The following SUGCT variants were observed in gnomAD, a reference collection of about 807,000 sequenced individuals.
SUGCT encodes the protein succinyl-CoA:glutarate CoA-transferase.
Under a neutral mutation model 55.0 loss-of-function variants are expected in SUGCT, and 41 were observed. That is an observed-to-expected ratio of 0.74 (90% CI 0.58 to 0.97). The LOEUF is 0.97. SUGCT is among the 50% of genes least tolerant of loss of function. The pLI is 0.00. For missense variants in SUGCT, 568 were observed against 547.8 expected (o/e 1.04, Z -0.37); for synonymous variants, 187 against 200.4 (o/e 0.93, Z 0.56).
intron 1 of SUGCT, among the ~76,000 whole-genome samples, chr7:40,163,789 T>G (rs1324022468): frequency 6.6e-5 from 10 of 152,080 alleles, no homozygotes; most frequent in Non-Finnish European, 1.2e-4. Flanking sequence ...TTTGTCAATT[T>G]TCTTTAGCTC....
chr7:40,565,383 A>G (rs1796069506), intron 12 of SUGCT, among the ~76,000 whole-genome samples: 1 of 152,266 alleles, frequency 6.6e-6, no homozygotes, highest in South Asian at 2.1e-4. Context: ...AGTAAAGGGA[A>G]TATGGCTTTG....
chr7:40,906,522 G>A, the SUGCT span, among the ~76,000 whole-genome samples: 10 of 152,078 alleles, frequency 6.6e-5, no homozygotes, highest in Admixed American at 6.5e-4. Flanking sequence ...AACAACTACA[G>A]ATAGAAAATA....
chr7:40,312,988 G>C (rs1442256411), intron 8 of SUGCT, among the ~76,000 whole-genome samples: 2 of 152,156 alleles, frequency 1.3e-5, no homozygotes, highest in African/African-American at 4.8e-5. Flanking sequence ...GGAGCATGTG[G>C]TGACAGACAC....
intron 9 of SUGCT, among the ~76,000 whole-genome samples, chr7:40,321,892 T>C (rs1488544430): frequency 6.6e-6 from 1 of 152,210 alleles, no homozygotes; most frequent in Non-Finnish European, 1.5e-5. Flanking sequence ...GCGATAAACA[T>C]GTGAATGCAA....
chr7:40,442,294 A>C (rs1401339015), intron 9 of SUGCT, among the ~76,000 whole-genome samples: 1 of 152,174 alleles, frequency 6.6e-6, no homozygotes, highest in African/African-American at 2.4e-5. Flanking sequence ...AAAGTTAAAG[A>C]AGTCAGTTAG....
chr7:40,325,969 G>A (rs1055481682), intron 9 of SUGCT, among the ~76,000 whole-genome samples: 4 of 123,394 alleles, frequency 3.2e-5, no homozygotes, highest in Non-Finnish European at 4.8e-5. Flanking sequence ...TTTAACAAAT[G>A]TCAAGTTTAT....
chr7:40,489,216 G>A (rs1463750123), intron 11 of SUGCT, among the ~76,000 whole-genome samples: 3 of 144,052 alleles, frequency 2.1e-5, no homozygotes, highest in Non-Finnish European at 4.6e-5. Flanking sequence ...CTTCTACTTG[G>A]TTAATTCTTT....
At chr7:40,890,290 T>TATATAATATAAATTAA in the SUGCT span, among the ~76,000 whole-genome samples, 1 of 140,904 alleles carries the variant, frequency 7.1e-6, no homozygotes, top group African/African-American at 2.7e-5. Flanking sequence ...ATATTTATAT[T>TATATAATATAAATTAA]ATATAATATA....
chr7:40,375,552 A>G (rs955385772), intron 9 of SUGCT, among the ~76,000 whole-genome samples: 21 of 152,168 alleles, frequency 1.4e-4, no homozygotes, highest in African/African-American at 5.1e-4. Context: ...CCCAACTGTC[A>G]GTGGAACTGA....
At chr7:40,269,569 G>A (rs991409995) in intron 7 of SUGCT, among the ~76,000 whole-genome samples, 2 of 151,810 alleles carry the variant, frequency 1.3e-5, no homozygotes, top group African/African-American at 2.4e-5. Flanking sequence ...GGAGTCCTCC[G>A]GCTTCAGCCT....
chr7:40,944,108 T>C, the SUGCT span, among the ~76,000 whole-genome samples: 1 of 152,168 alleles, frequency 6.6e-6, no homozygotes, highest in Non-Finnish European at 1.5e-5. Flanking sequence ...ATATCCTTTG[T>C]GCACTTTTTG....
Position 40,356,812 on chromosome 7 carries a change from T to A in SUGCT, c.816+39957T>A, listed in dbSNP as rs1797905759. Among the ~76,000 whole-genome samples the A allele has an allele frequency of 2.0e-5, 3 of 152,228 alleles. No individual in the cohort carries two copies. In the South Asian group the frequency reaches 6.2e-4, roughly 31 times the overall value. On this transcript the variant is annotated intron_variant, in intron 9 of 13. Coordinates refer to ENST00000335693, the MANE Select transcript of SUGCT (RefSeq NM_001193313.2). ...AACTAATTCTTCAGCCTCTTCAAAA[T>A]CAGTACTGACTCCTTGAAAGAACAA...
chr7:40,879,407 G>A, the SUGCT span, among the ~76,000 whole-genome samples: 2 of 152,140 alleles, frequency 1.3e-5, no homozygotes, highest in Non-Finnish European at 2.9e-5. Context: ...CATGTCATGT[G>A]TGTCATGAAT....
At chr7:40,167,379 G>A (rs912706660) in intron 1 of SUGCT, among the ~76,000 whole-genome samples, 5 of 152,220 alleles carry the variant, frequency 3.3e-5, no homozygotes, top group Non-Finnish European at 4.4e-5. Flanking sequence ...AGTTTGCAAA[G>A]GGCAGGTGGA....
chr7:40,809,176 A>T (rs557443569), intron 13 of SUGCT, among the ~76,000 whole-genome samples: 1 of 152,310 alleles, frequency 6.6e-6, no homozygotes, highest in South Asian at 2.1e-4. Flanking sequence ...TTCTCTTATA[A>T]ACAAGGTTGT....
At chr7:40,917,264 A>G in the SUGCT span, among the ~76,000 whole-genome samples, 13 of 152,226 alleles carry the variant, frequency 8.5e-5, no homozygotes, top group Non-Finnish European at 1.8e-4. Context: ...AATGTTTTCT[A>G]TAATTGAAAA....
the SUGCT span, among the ~76,000 whole-genome samples, chr7:40,903,685 G>A: frequency 6.6e-6 from 1 of 152,146 alleles, no homozygotes; most frequent in Non-Finnish European, 1.5e-5. Context: ...TTCATCACAC[G>A]CAAGGCAAGG....
chr7:40,724,240 T>G (rs925041153), intron 12 of SUGCT, among the ~76,000 whole-genome samples: 7 of 152,202 alleles, frequency 4.6e-5, no homozygotes, highest in Admixed American at 6.5e-5. Context: ...ATATTGCAAA[T>G]GACCATTGCC....
chr7:40,272,091 CTCTCTA>C (rs571852240), intron 7 of SUGCT, among the ~76,000 whole-genome samples: 1 of 84,694 alleles, frequency 1.2e-5, no homozygotes, highest in African/African-American at 5.1e-5. Flanking sequence ...CTCTCTCTCT[CTCTCTA>C]TATATATATA....
Sources: gnomAD v4.1 joint callset for allele counts (sites outside exome capture counted in the v4.1 genomes callset) on GRCh38, gnomAD v4.1.1 for gene constraint, MANE v1.5 for transcripts, NCBI Gene and HGNC (gene_info 2026-07-23, HGNC 2026-07-21) for gene names.